The following SPAG6 variants were observed in gnomAD, a reference collection of about 807,000 sequenced individuals.
SPAG6 encodes sperm associated antigen 6, also known as sperm-associated antigen 6.
SPAG6 carries 49 observed loss-of-function variants against 58.5 expected under a neutral mutation model. The ratio of observed to expected loss-of-function variants is 0.84; its 90% CI spans 0.67 to 1.06. The LOEUF (loss-of-function observed/expected upper bound fraction) is 1.06, where lower values mean the gene tolerates loss of function less well. Among genes scored for constraint, SPAG6 ranks in the 50% least tolerant of loss-of-function variants. The pLI is 0.00. For synonymous variants in SPAG6, 233 were observed against 225.6 expected (o/e 1.03, Z -0.29); for missense variants, 560 against 611.3 (o/e 0.92, Z 0.89).
At chr10:22,386,404 A>G (rs1201850731) in intron 4 of SPAG6, among the ~76,000 whole-genome samples, 1 of 152,126 alleles carries the variant, frequency 6.6e-6, no homozygotes, top group Non-Finnish European at 1.5e-5. Context: ...CTGTTATTGT[A>G]AACCATGCAT....
chr10:22,408,955 T>G (rs552932562), intron 9 of SPAG6, among the ~76,000 whole-genome samples: 8 of 151,582 alleles, frequency 5.3e-5, no homozygotes, highest in African/African-American at 1.9e-4. Context: ...CCTGACCCCT[T>G]GCGCTTCCCG....
chr10:22,352,827 C>T (rs1836768022), intron 2 of SPAG6, among the ~76,000 whole-genome samples: 2 of 152,170 alleles, frequency 1.3e-5, no homozygotes, highest in African/African-American at 4.8e-5. Flanking sequence ...TTTATTATTA[C>T]ATGGTATAGG....
intron 9 of SPAG6, among the ~76,000 whole-genome samples, chr10:22,403,857 G>C (rs1337973123): frequency 8.7e-5 from 13 of 149,698 alleles, no homozygotes; most frequent in African/African-American, 3.0e-4. Flanking sequence ...TCTCATTGTG[G>C]TTTTGATTTG....
In SPAG6 at chr10:22,345,847, C is replaced by T. The variant is rs1836508595; in HGVS notation, c.121+29C>T. On this transcript the variant is annotated intron_variant, in intron 2 of 10. Transcript: ENST00000376624. This position sits in a 1 kb window ranked among gnomAD's most constrained non-coding sequence, Gnocchi z 6.3. The stretch of plus-strand genomic sequence containing the variant: ...AGCCCGGAGCCCGAACCCCCGTCGC[C>T]CCCCGCGCACTGAGTCCCCGACGCC... 3 of 1,601,394 alleles carry T rather than the reference C, an allele frequency of 1.9e-6. No individual in the cohort carries two copies. Among genetic ancestry groups the T allele is most frequent in the Non-Finnish European group, 2.6e-6 (3 of 1,174,370 alleles).
intron 4 of SPAG6, among the ~76,000 whole-genome samples, chr10:22,380,212 A>G (rs1833916775): frequency 6.6e-6 from 1 of 152,234 alleles, no homozygotes; most frequent in Non-Finnish European, 1.5e-5. Flanking sequence ...CCAATCATGA[A>G]AAATTTGGTT....
chr10:22,363,205 T>A (rs1210338917), intron 2 of SPAG6, among the ~76,000 whole-genome samples: 2 of 152,208 alleles, frequency 1.3e-5, no homozygotes, highest in African/African-American at 4.8e-5. Context: ...CCAACAACAA[T>A]GAATCAACTA....
At chr10:22,351,751 G>A (rs909351053) in intron 2 of SPAG6, among the ~76,000 whole-genome samples, 1 of 152,142 alleles carries the variant, frequency 6.6e-6, no homozygotes, top group African/African-American at 2.4e-5. Context: ...TGCGTGGAAT[G>A]GCCTGTGTGA....
At chr10:22,372,775 A>T (rs1833728741) in intron 4 of SPAG6, among the ~76,000 whole-genome samples, 1 of 152,206 alleles carries the variant, frequency 6.6e-6, no homozygotes, top group Non-Finnish European at 1.5e-5. Flanking sequence ...AAAAAAAAAA[A>T]AAAGTGTTTC....
chr10:22,401,095 A>T (rs1834400955), intron 8 of SPAG6, 66 bp from the exon 9 acceptor site: 1 of 752,744 alleles, frequency 1.3e-6, no homozygotes, highest in African/African-American at 1.8e-5. Context: ...GGAATGTCAG[A>T]TTTGAATTCT....
chr10:22,392,809 A>G (rs1395863776), intron 8 of SPAG6, among the ~76,000 whole-genome samples: 2 of 152,172 alleles, frequency 1.3e-5, no homozygotes, highest in East Asian at 3.8e-4. Flanking sequence ...AAAGTTATGT[A>G]TAGTGAATTA....
chr10:22,413,392 G>A (rs1834791189), intron 10 of SPAG6, among the ~76,000 whole-genome samples: 1 of 152,014 alleles, frequency 6.6e-6, no homozygotes, highest in Non-Finnish European at 1.5e-5. Context: ...AATTAGCCTG[G>A]CATGGTGGCG....
At chr10:22,386,676 G>A in intron 4 of SPAG6, 78 bp from the exon 5 acceptor site, 4 of 1,061,230 alleles carry the variant, frequency 3.8e-6, no homozygotes, top group Non-Finnish European at 5.8e-6. Context: ...TTTCTTTGCT[G>A]TATCTGTCAG....
Position 22,386,819 on chromosome 10 carries a change from G to T in SPAG6, c.538G>T (p.Glu180Ter), listed in dbSNP as rs1834074700. The change falls in exon 5 of 11, where the codon GAA becomes TAA. Residue 180 changes from glutamate to a stop codon, truncating the protein, a stop_gained. Transcript: ENST00000376624. LOFTEE classifies it high-confidence loss of function. ...TTTAGTACTCTGTATCCAGGAGCCAGAAATTGCTTTGAAAAGGATTGCTGC... is the reference window on the plus strand; with the variant it reads ...TTTAGTACTCTGTATCCAGGAGCCATAAATTGCTTTGAAAAGGATTGCTGC... ...PLLVLCIQEP[E>*]IALKRIAASA... is the part of the protein sequence containing the mutation. 6.2e-7 allele frequency: 1 copy of T among 1,613,618 alleles called. No homozygotes were observed. Among genetic ancestry groups the T allele is most frequent in the Admixed American group, 1.7e-5 (1 of 59,954 alleles).
rs543142036 is a variant in SPAG6, at chr10:22,365,586, C to T, written c.288+567C>T. Among the ~76,000 whole-genome samples the T allele has an allele frequency of 3.3e-5, 5 of 152,186 alleles. 1 individual carries two copies. The highest frequency in any genetic ancestry group is 1.2e-4 in the African/African-American group (5 of 41,538). Reference sequence around the variant, plus strand: ...ACTTTCTTTTTCTATACAATGCCAGCTATTTGGTTTTCACAGTAGTTAAGG... The same window carrying T: ...ACTTTCTTTTTCTATACAATGCCAGTTATTTGGTTTTCACAGTAGTTAAGG... On this transcript the variant is annotated intron_variant, in intron 3 of 10. Transcript: ENST00000376624.
intron 2 of SPAG6, among the ~76,000 whole-genome samples, chr10:22,360,151 A>G (rs1432107044): frequency 6.6e-6 from 1 of 152,146 alleles, no homozygotes; most frequent in Non-Finnish European, 1.5e-5. Context: ...CTCCTTCACT[A>G]GACTATTAGT....
chr10:22,360,739 C>G, intron 2 of SPAG6: 1 of 1,338,222 alleles, frequency 7.5e-7, no homozygotes, highest in Non-Finnish European at 1.0e-6. Context: ...CCAGTGATGT[C>G]GTTTGCTCCT....
At chr10:22,370,039 T>C (rs1833647139) in intron 4 of SPAG6, among the ~76,000 whole-genome samples, 1 of 152,214 alleles carries the variant, frequency 6.6e-6, no homozygotes, top group Non-Finnish European at 1.5e-5. Flanking sequence ...TTATGGAACT[T>C]AATGAAATCT....
At chr10:22,359,961 A>G (rs1836989210) in intron 2 of SPAG6, among the ~76,000 whole-genome samples, 1 of 152,216 alleles carries the variant, frequency 6.6e-6, no homozygotes, top group African/African-American at 2.4e-5. Flanking sequence ...TAATATGTAT[A>G]TAAATTATAT....
intron 9 of SPAG6, among the ~76,000 whole-genome samples, chr10:22,407,618 G>C (rs1238618902): frequency 6.6e-6 from 1 of 151,844 alleles, no homozygotes; most frequent in East Asian, 1.9e-4. Flanking sequence ...TATGTGTCTT[G>C]GAGTTGCTCT....
Sources: allele counts gnomAD v4.1 joint callset (sites outside exome capture counted in the v4.1 genomes callset), GRCh38; gene constraint gnomAD v4.1.1; non-coding constraint Gnocchi (gnomAD v3.1); transcripts MANE v1.5; gene names NCBI Gene and HGNC (gene_info 2026-07-23, HGNC 2026-07-21).